TRPM3: variants seen among roughly 807,000 people sequenced by gnomAD.
The protein encoded by TRPM3 is transient receptor potential cation channel subfamily M member 3.
A neutral mutation model predicts 181.2 loss-of-function variants in TRPM3; 77 were observed. The observed-to-expected ratio is 0.42, with a 90% CI of 0.35 to 0.51. TRPM3 has a LOEUF of 0.51. TRPM3 is among the 20% of genes least tolerant of loss of function. The pLI, the probability that TRPM3 is intolerant of heterozygous loss-of-function variation, is 0.01. For missense variants in TRPM3, 1,759 were observed against 2,196.7 expected (o/e 0.80, Z 3.98); for synonymous variants, 745 against 796.4 (o/e 0.94, Z 1.09).
chr9:70,826,397 T>G (rs1435382285), intron 6 of TRPM3: 1 of 152,248 alleles, frequency 6.6e-6, no homozygotes, highest in Non-Finnish European at 1.5e-5. Flanking sequence ...ATAATAACAC[T>G]TGTGTTTCTT....
chr9:70,843,277 G>C, intron 4 of TRPM3, 150 bp from the exon 5 acceptor site: 1 of 812,840 alleles, frequency 1.2e-6, no homozygotes, highest in Non-Finnish European at 1.8e-6. Context: ...TTGTATTTAG[G>C]AGAAAACATA....
intron 5 of TRPM3, among the ~76,000 whole-genome samples, chr9:70,829,768 G>A (rs781353461): frequency 1.4e-4 from 21 of 152,092 alleles, no homozygotes; most frequent in Non-Finnish European, 1.0e-4. Context: ...AGATGATTGC[G>A]TAAGAGTCCC....
At chr9:70,647,384 A>G (rs2133723008) in intron 9 of TRPM3, among the ~76,000 whole-genome samples, 1 of 152,322 alleles carries the variant, frequency 6.6e-6, no homozygotes, top group South Asian at 2.1e-4. Flanking sequence ...AGGTTGGTTC[A>G]CCATACAAAA....
At chr9:70,985,995 C>A (rs2097417751) in intron 1 of TRPM3, among the ~76,000 whole-genome samples, 1 of 152,078 alleles carries the variant, frequency 6.6e-6, no homozygotes, top group Admixed American at 6.6e-5. Flanking sequence ...ATAAAATATT[C>A]CTTCCAGGAA....
chr9:71,323,835 T>G (rs2089450261), intron 1 of TRPM3, among the ~76,000 whole-genome samples: 1 of 152,094 alleles, frequency 6.6e-6, no homozygotes, highest in South Asian at 2.1e-4. Context: ...AGCTCGTTAC[T>G]GGATTTCTCT....
chr9:70,778,163 C>A (rs1333544843), intron 7 of TRPM3, among the ~76,000 whole-genome samples: 1 of 152,088 alleles, frequency 6.6e-6, no homozygotes, highest in Admixed American at 6.6e-5. Context: ...CAGCTTAGAT[C>A]CAGTTTTTGA....
intron 19 of TRPM3, among the ~76,000 whole-genome samples, chr9:70,608,081 A>T (rs1051345181): frequency 6.6e-6 from 1 of 152,224 alleles, no homozygotes; most frequent in Non-Finnish European, 1.5e-5. Flanking sequence ...GTGTTCAAAT[A>T]AGGCAAACGC....
intron 1 of TRPM3, among the ~76,000 whole-genome samples, chr9:71,237,075 A>T (rs2081399243): frequency 6.9e-6 from 1 of 144,946 alleles, no homozygotes; most frequent in African/African-American, 2.7e-5. Flanking sequence ...GGGGGAAAAA[A>T]AGAAAGGAAA....
At chr9:70,591,001 T>C in intron 22 of TRPM3, 30 bp downstream of exon 22, 1 of 1,614,030 alleles carries the variant, frequency 6.2e-7, no homozygotes, top group Non-Finnish European at 8.5e-7. Context: ...ATACCTGACT[T>C]TGGTGTATGA....
intron 1 of TRPM3, among the ~76,000 whole-genome samples, chr9:70,873,610 T>C (rs1340783602): frequency 6.6e-6 from 1 of 151,996 alleles, no homozygotes; most frequent in Non-Finnish European, 1.5e-5. Context: ...CTCTACTCGA[T>C]CAATGCCCCT....
chr9:71,256,842 G>A (rs868199076), intron 1 of TRPM3, among the ~76,000 whole-genome samples: 1 of 151,954 alleles, frequency 6.6e-6, no homozygotes, highest in African/African-American at 2.4e-5. Flanking sequence ...GTTTAGAGAG[G>A]CAGATAAAAT....
In TRPM3 at chr9:71,193,582, TA is replaced by T. The variant is rs1449393921; in HGVS notation, c.183+253070del. On this transcript the variant is annotated intron_variant, in intron 1 of 24. Coordinates refer to the TRPM3 transcript ENST00000357533. ...ATATCTCCAACCCTCAACTTTCTAT[TA>T]ATCTCCGAAACTGAAATTTATCTAT... is the stretch of plus-strand genomic sequence containing the variant. Among the ~76,000 whole-genome samples the T allele has an allele frequency of 2.0e-5, 3 of 151,924 alleles. No individual in the cohort carries two copies. In the East Asian group the frequency reaches 5.8e-4, roughly 29 times the overall value.
intron 1 of TRPM3, among the ~76,000 whole-genome samples, chr9:71,362,023 G>A (rs920234564): frequency 2.0e-5 from 3 of 152,148 alleles, no homozygotes; most frequent in African/African-American, 7.2e-5. Flanking sequence ...CAGCTAGGAG[G>A]TAATTTAAAA....
chr9:71,200,232 G>A (rs1286850394), intron 1 of TRPM3, among the ~76,000 whole-genome samples: 1 of 152,034 alleles, frequency 6.6e-6, no homozygotes, highest in African/African-American at 2.4e-5. Context: ...ACTGTGGTCT[G>A]AGAGACAGTT....
At chr9:70,799,680 T>C (rs1483162971) in intron 6 of TRPM3, among the ~76,000 whole-genome samples, 1 of 152,204 alleles carries the variant, frequency 6.6e-6, no homozygotes, top group Non-Finnish European at 1.5e-5. Flanking sequence ...GAGCTAATCC[T>C]GCAGTAATGG....
At chr9:70,582,589 A>G (rs2056160837) in intron 22 of TRPM3, among the ~76,000 whole-genome samples, 1 of 152,246 alleles carries the variant, frequency 6.6e-6, no homozygotes, top group South Asian at 2.1e-4. Context: ...AGTGGCCACT[A>G]GCAACATGCA....
chr9:71,283,838 A>G (rs2132222069), intron 1 of TRPM3, among the ~76,000 whole-genome samples: 1 of 152,350 alleles, frequency 6.6e-6, no homozygotes, highest in East Asian at 1.9e-4. Flanking sequence ...CAAGTGCCCT[A>G]TCTAATATAC....
At chr9:71,189,669 A>C (rs1587856201) in intron 1 of TRPM3, among the ~76,000 whole-genome samples, 1 of 151,592 alleles carries the variant, frequency 6.6e-6, no homozygotes, top group African/African-American at 2.4e-5. Context: ...ACAACCACTC[A>C]CTTATCAAAT....
intron 1 of TRPM3, among the ~76,000 whole-genome samples, chr9:70,963,063 G>A (rs1469060112): frequency 6.6e-6 from 1 of 152,176 alleles, no homozygotes; most frequent in Non-Finnish European, 1.5e-5. Context: ...GAGAAAAGGA[G>A]AATTAAGTGG....
Sources: gnomAD v4.1 joint callset for allele counts (sites outside exome capture counted in the v4.1 genomes callset) on GRCh38, gnomAD v4.1.1 for gene constraint, MANE v1.5 for transcripts, NCBI Gene and HGNC (gene_info 2026-07-23, HGNC 2026-07-21) for gene names.